DDX51: variants seen among roughly 807,000 people sequenced by gnomAD.
DDX51 encodes the protein DEAD-box helicase 51.
Under a neutral mutation model 74.6 loss-of-function variants are expected in DDX51, and 67 were observed. The observed-to-expected ratio is 0.90, with a 90% CI of 0.74 to 1.10. The LOEUF (loss-of-function observed/expected upper bound fraction) is 1.10, where lower values mean the gene tolerates loss of function less well. DDX51 is among the 50% of genes least tolerant of loss of function. The pLI is 0.00. For synonymous variants in DDX51, 545 were observed against 402.9 expected (o/e 1.35, Z -4.22); for missense variants, 1,056 against 905.2 (o/e 1.17, Z -2.14).
chr12:132,139,488 T>A, intron 14 of DDX51, 147 bp downstream of exon 14: 1 of 1,561,690 alleles, frequency 6.4e-7, no homozygotes, highest in Non-Finnish European at 8.8e-7. Flanking sequence ...TCCCCGCCCT[T>A]GGGCCAGAAG....
intron 14 of DDX51, 99 bp from the exon 15 acceptor site, chr12:132,139,397 C>A: frequency 6.4e-7 from 1 of 1,556,932 alleles, no homozygotes. Context: ...ACAGGAAGCC[C>A]TGTGCATGCA....
In DDX51 at chr12:132,142,875, G is replaced by A. The variant is rs17855639; in HGVS notation, c.523C>T (p.Gln175Ter). Residue 175 changes from glutamine (Q) to a stop codon, truncating the protein, a stop_gained, in exon 3 of 15, where the codon CAG becomes TAG. Transcript: ENST00000397333. LOFTEE classifies it high-confidence loss of function. Reference sequence around the variant, plus strand: ...GCCAGCCACCTTGGCAGGAAAGGCTGGACCTGCCATCAAAAAGAAAGAGAG... The same window carrying A: ...GCCAGCCACCTTGGCAGGAAAGGCTAGACCTGCCATCAAAAAGAAAGAGAG... ...GFGKRKAPKV[Q>*]PFLPRWLAEP... 5.6e-6 allele frequency: 9 copies of A among 1,612,520 alleles called. No individual in the cohort carries two copies. The highest frequency in any genetic ancestry group is 1.6e-4 in the Middle Eastern group (1 of 6,084).
In DDX51 at chr12:132,141,014, G is replaced by A. The variant is rs759033349; in HGVS notation, c.1257C>T (p.Cys419=). The A allele has an allele frequency of 1.6e-5, 25 of 1,592,072 alleles. No individual in the cohort carries two copies. The East Asian group carries it at 4.2e-4, about 27-fold the overall frequency. The change falls in exon 9 of 15, where the codon TGC becomes TGT. Residue 419 remains cysteine (C), a synonymous_variant. Coordinates refer to ENST00000397333, the MANE Select transcript of DDX51 (RefSeq NM_175066.4). ...GCTTCTGCAGGGGCATCTGGGGACA[G>A]CAGGTGCTGGAAGAGAAGGGGGTGT... ...QAQAVTAAST[C]CPQMPLQKLL... is the part of the protein sequence containing the mutation.
Position 132,138,962 on chromosome 12 carries a change from T to G in DDX51, c.*310A>C. The G allele has an allele frequency of 2.3e-6, 1 of 443,560 alleles. No individual in the cohort carries two copies. 27.5% of individuals were successfully genotyped at this position (443,560 alleles called of 1,614,324 possible). A position where few individuals can be genotyped will look rare whatever the true frequency, so the allele number is the denominator to read the frequency against. ...TTAGCTCAAGGTTAATGCCCCCAAC[T>G]CTCAGCAAAAGCATGACGGGTGCCC... On this transcript the variant is annotated 3_prime_UTR_variant, in exon 15 of 15. Coordinates refer to ENST00000397333, the MANE Select transcript of DDX51 (RefSeq NM_175066.4).
At position 132,143,533 on chromosome 12, in the gene DDX51, G is replaced by C. The variant is rs972928206; in HGVS notation, c.519+162C>G. 1.7e-5 allele frequency: 16 copies of C among 925,088 alleles called. No individual in the cohort carries two copies. In the Admixed American group the frequency reaches 4.4e-4, roughly 25 times the overall value. 57.3% of individuals were successfully genotyped at this position (925,088 alleles called of 1,614,324 possible). On this transcript the variant is annotated intron_variant, in intron 2 of 14. Coordinates refer to ENST00000397333, the MANE Select transcript of DDX51 (RefSeq NM_175066.4). ...AGGAAACGGGAGCTCTGCACGTGCA[G>C]GATCCAGACCCCTAGGCGATGAAAC...
rs1266533601 is a variant in DDX51 at position 132,143,902 on chromosome 12, G to A, written c.312C>T (p.Asn104=). 1.2e-5 allele frequency: 18 copies of A among 1,517,288 alleles called. No individual in the cohort carries two copies. In the African/African-American group the frequency reaches 1.6e-4, roughly 13 times the overall value. 94.0% of individuals were successfully genotyped at this position (1,517,288 alleles called of 1,614,324 possible). A position where few individuals can be genotyped will look rare whatever the true frequency, so the allele number is the denominator to read the frequency against. ...ADGEDAGAES[N]EEAPGEPSAG... ...CGCTGGGCTCCCCTGGCGCCTCCTCGTTGCTTTCTGCGAGGCAGACACCCA... is the reference window on the plus strand; with the variant it reads ...CGCTGGGCTCCCCTGGCGCCTCCTCATTGCTTTCTGCGAGGCAGACACCCA... Residue 104 remains asparagine, a synonymous_variant, in exon 2 of 15, where the codon AAC becomes AAT. Transcript: ENST00000397333.
intron 14 of DDX51, 104 bp downstream of exon 14, chr12:132,139,531 T>C (rs200454097): frequency 1.9e-6 from 3 of 1,605,010 alleles, no homozygotes; most frequent in Non-Finnish European, 2.6e-6. Context: ...CTCTGTTGCC[T>C]TCTCGCTTTC....
At chr12:132,139,813 CT>C (rs1184152794) in intron 13 of DDX51, 44 bp from the exon 14 acceptor site, 1 of 1,612,892 alleles carries the variant, frequency 6.2e-7, no homozygotes. Context: ...GGGCCAGCCC[CT>C]TAACACCCAC....
chr12:132,143,392 G>C, intron 2 of DDX51: 1 of 523,736 alleles, frequency 1.9e-6, no homozygotes, highest in South Asian at 2.4e-5. Flanking sequence ...CTTGCAGAAC[G>C]GCCTCTGACT....
rs765311348 is a variant in DDX51, at chr12:132,142,337, G to C, written c.756C>G (p.Leu252=). 1 of 1,613,090 alleles carries C rather than the reference G, an allele frequency of 6.2e-7. No homozygotes were observed. Among genetic ancestry groups the C allele is most frequent in the Non-Finnish European group, 8.5e-7 (1 of 1,180,006 alleles). The change falls in exon 4 of 15, where the codon CTC becomes CTG. Residue 252 remains leucine (L), a synonymous_variant. Transcript: ENST00000397333. ...CACTGCCTGTTGGGGCAGAAACACA[G>C]AGGTCGCTAGGCCGGTAGCCACCTC... ...VGRGGYRPSD[L]CVSAPTGSGK...
In DDX51 at chr12:132,140,608, C is replaced by G; in HGVS notation, c.1556+12G>C. 2 of 1,612,798 alleles carry G rather than the reference C, an allele frequency of 1.2e-6. No individual in the cohort carries two copies. The highest frequency in any genetic ancestry group is 1.1e-5 in the South Asian group (1 of 91,074). ...GGCCACCTCTGCCACCCCCGCCCAG[C>G]CGGGGCCTCACCTGTGGGAGTTCTC... On this transcript the variant is annotated intron_variant, in intron 10 of 14. Coordinates refer to ENST00000397333, the MANE Select transcript of DDX51 (RefSeq NM_175066.4).
Position 132,137,530 on chromosome 12 carries a change from C to G in DDX51, c.*1742G>C, listed in dbSNP as rs1386062446. 6.6e-6 allele frequency: 1 copy of G among 152,232 alleles called. No individual in the cohort carries two copies. The highest frequency in any genetic ancestry group is 2.4e-5 in the African/African-American group (1 of 41,428). 9.4% of individuals were successfully genotyped at this position (152,232 alleles called of 1,614,324 possible). The stretch of plus-strand genomic sequence containing the variant: ...CTGCTGGCATTTGTTTGAACACAGT[C>G]CACAGGTTCAGTGGTTGCATCTCTA... On this transcript the variant is annotated 3_prime_UTR_variant, in exon 15 of 15. Transcript: ENST00000397333.
Position 132,141,038 on chromosome 12 carries a change from G to A in DDX51, c.1251-18C>T, listed in dbSNP as rs1897437267. ...AGCAGGTGCTGGAAGAGAAGGGGGT[G>A]TTGCTGGCACCCTACCAGTGGCTGC... is the stretch of plus-strand genomic sequence containing the variant. On this transcript the variant is annotated intron_variant, in intron 8 of 14. Transcript: ENST00000397333. The A allele has an allele frequency of 3.2e-6, 5 of 1,580,760 alleles. No individual in the cohort carries two copies. The Admixed American group carries it at 5.7e-5, about 18-fold the overall frequency.
At chr12:132,139,586 T>C (rs1897367041) in intron 14 of DDX51, 49 bp downstream of exon 14, 6 of 1,612,968 alleles carry the variant, frequency 3.7e-6, no homozygotes, top group Non-Finnish European at 5.1e-6. Flanking sequence ...ACGCCCTCTC[T>C]GCAAACGCCC....
chr12:132,143,986 G>T lies in DDX51; in HGVS notation c.304+7C>A. 1.4e-6 allele frequency: 2 copies of T among 1,406,396 alleles called. No individual in the cohort carries two copies. The allele number at this position is 1,406,396 out of a possible 1,614,324, so 87.1% of individuals were successfully genotyped here. On this transcript the variant is annotated splice_region_variant and intron_variant, in intron 1 of 14. Coordinates refer to ENST00000397333, the MANE Select transcript of DDX51 (RefSeq NM_175066.4). ...CCCAGAGGGAGCCCGCTCGCCCCGC[G>T]GCCCACCTGCGCCCGCGTCCTCGCC...
chr12:132,144,198 C>G lies in DDX51; in HGVS notation c.99G>C (p.Ala33=). The change falls in exon 1 of 15, where the codon GCG becomes GCC. Residue 33 remains alanine (A), a synonymous_variant. Coordinates refer to ENST00000397333, the MANE Select transcript of DDX51 (RefSeq NM_175066.4). ...CCCGGCTCTGCAGCCGCTCGAGCAG[C>G]GCGCGGGCCCTGCCGTGCGCCCCGG... ...AEAGAHGRAR[A]LLERLQSRAR... The G allele has an allele frequency of 8.4e-7, 1 of 1,184,612 alleles. No individual in the cohort carries two copies. 73.4% of individuals were successfully genotyped at this position (1,184,612 alleles called of 1,614,324 possible). A position where few individuals can be genotyped will look rare whatever the true frequency, so the allele number is the denominator to read the frequency against.
At position 132,142,976 on chromosome 12, in the gene DDX51, C is replaced by T. The variant is rs552208609; in HGVS notation, c.520-98G>A. The T allele has an allele frequency of 1.1e-5, 17 of 1,532,202 alleles. No homozygotes were observed. The East Asian group carries it at 2.9e-4, about 27-fold the overall frequency. The allele number at this position is 1,532,202 out of a possible 1,614,324, so 94.9% of individuals were successfully genotyped here. A position where few individuals can be genotyped will look rare whatever the true frequency, so the allele number is the denominator to read the frequency against. ...GCTAGGGGAGGGAGGCTGGGGAAACCTCTGTCGTCTTCAGCTCCTTCTCAG... is the reference window on the plus strand; with the variant it reads ...GCTAGGGGAGGGAGGCTGGGGAAACTTCTGTCGTCTTCAGCTCCTTCTCAG... On this transcript the variant is annotated intron_variant, in intron 2 of 14. Coordinates refer to ENST00000397333, the MANE Select transcript of DDX51 (RefSeq NM_175066.4).
At position 132,141,402 on chromosome 12, in the gene DDX51, G is replaced by A. The variant is rs770622017; in HGVS notation, c.1123C>T (p.Arg375Trp). The change falls in exon 8 of 15, where the codon CGG becomes TGG. Residue 375 changes from arginine to tryptophan, a missense_variant. Arg to Trp is a moderately radical substitution (Grantham distance 101). Transcript: ENST00000397333. The stretch of plus-strand genomic sequence containing the variant: ...GACTGATGCATGCTGTCAATCATCC[G>A]GTCAGCCTCGTCGATAATCTGCAGG... ...LRFLIIDEADRMIDSMHQSWL... is the reference protein window; with the variant it reads ...LRFLIIDEADWMIDSMHQSWL... 20 of 1,595,772 alleles carry A rather than the reference G, an allele frequency of 1.3e-5. No homozygotes were observed. The African/African-American group carries it at 1.3e-4, about 11-fold the overall frequency.
chr12:132,139,580 C>T (rs2136673630), intron 14 of DDX51, 55 bp downstream of exon 14: 2 of 1,612,870 alleles, frequency 1.2e-6, no homozygotes, highest in Non-Finnish European at 1.7e-6. Context: ...GTGACGACGC[C>T]CTCTCTGCAA....
Sources: gnomAD v4.1 joint callset for allele counts on GRCh38, gnomAD v4.1.1 for gene constraint, MANE v1.5 for transcripts, NCBI Gene and HGNC (gene_info 2026-07-23, HGNC 2026-07-21) for gene names.